PRKAG2: variants seen among roughly 807,000 people sequenced by gnomAD.
PRKAG2 encodes the protein 5'-AMP-activated protein kinase subunit gamma-2.
In PRKAG2, 26 loss-of-function variants were observed where a neutral mutation model predicts 69.6. The observed-to-expected ratio is 0.37, with a 90% CI of 0.27 to 0.52. PRKAG2 has a LOEUF of 0.52. Among genes scored for constraint, PRKAG2 ranks in the 20% least tolerant of loss-of-function variants. The pLI, the probability that PRKAG2 is intolerant of heterozygous loss-of-function variation, is 0.90. For missense variants in PRKAG2, 557 were observed against 740.0 expected, an observed-to-expected ratio of 0.75 and a Z score of 2.87; for synonymous variants, 293 against 285.0, an observed-to-expected ratio of 1.03 and a Z score of -0.28.
At chr7:151,635,328 A>G (rs7807681) in intron 4 of PRKAG2, among the ~76,000 whole-genome samples, 21,924 of 152,250 alleles carry the variant, frequency 0.14, 1,939 homozygotes, top group African/African-American at 0.23. Flanking sequence ...CACATCAGTT[A>G]CACTCTTGGG....
rs754524055 is a variant in PRKAG2 at position 151,615,226 on chromosome 7, T to C, written c.754+16843A>G. Among the ~76,000 whole-genome samples, 44 of 152,352 alleles carry C rather than the reference T, an allele frequency of 2.9e-4. 1 individual carries two copies. The highest frequency in any genetic ancestry group is 3.4e-3 in the Middle Eastern group (1 of 294). ...ATGATCTCATTCTTTTTTATGCCTA[T>C]ATAGTATTCCATGGTGTATATGTAC... On this transcript the variant is annotated intron_variant, in intron 5 of 15. Transcript: ENST00000287878.
At chr7:151,739,109 A>T (rs2073685775) in intron 3 of PRKAG2, among the ~76,000 whole-genome samples, 1 of 152,194 alleles carries the variant, frequency 6.6e-6, no homozygotes, top group Non-Finnish European at 1.5e-5. Flanking sequence ...GACACACACC[A>T]GCTCCCAAGA....
At chr7:151,585,883 C>T (rs571648818) in intron 6 of PRKAG2, among the ~76,000 whole-genome samples, 17 of 152,252 alleles carry the variant, frequency 1.1e-4, no homozygotes, top group African/African-American at 3.9e-4. Context: ...GACGGGTGGG[C>T]GGGTGAGTCA....
intron 4 of PRKAG2, among the ~76,000 whole-genome samples, chr7:151,669,061 G>A (rs547318203): frequency 2.0e-5 from 3 of 152,308 alleles, no homozygotes; most frequent in Admixed American, 2.0e-4. Context: ...TGCTCCCACT[G>A]CCTATAAGGA....
intron 5 of PRKAG2, among the ~76,000 whole-genome samples, chr7:151,601,585 G>C (rs1384228493): frequency 6.6e-6 from 1 of 152,144 alleles, no homozygotes; most frequent in Non-Finnish European, 1.5e-5. Flanking sequence ...AGGATGCTCT[G>C]AGGCTGTACA....
At chr7:151,749,217 A>G (rs540380710) in intron 3 of PRKAG2, among the ~76,000 whole-genome samples, 7 of 152,360 alleles carry the variant, frequency 4.6e-5, no homozygotes, top group Admixed American at 2.6e-4. Context: ...TCTCCTCACT[A>G]GAAGCTTTAA....
At chr7:151,855,282 A>C (rs868849989) in intron 1 of PRKAG2, among the ~76,000 whole-genome samples, 11 of 39,792 alleles carry the variant, frequency 2.8e-4, no homozygotes, top group Non-Finnish European at 3.4e-4. Flanking sequence ...CTCCACACAC[A>C]CCACCCTCCA....
rs183673156 is a variant in PRKAG2 at position 151,827,794 on chromosome 7, C to T, written c.115-41253G>A. Among the ~76,000 whole-genome samples the T allele has an allele frequency of 3.4e-3, 478 of 138,888 alleles. 2 individuals carry two copies. Among genetic ancestry groups the T allele is most frequent in the Non-Finnish European group, 3.5e-3 (228 of 65,546 alleles). The allele number at this position is 138,888 out of a possible 152,430, so 91.1% of individuals were successfully genotyped here. A position where few individuals can be genotyped will look rare whatever the true frequency, so the allele number is the denominator to read the frequency against. ...AAAAAACTGCCTTGCTGTAGCCTGT[C>T]GTGGTATGACTTCCAATGCCAGAGC... On this transcript the variant is annotated intron_variant, in intron 1 of 15. Transcript: ENST00000287878.
At chr7:151,845,379 C>G (rs1458092745) in intron 1 of PRKAG2, among the ~76,000 whole-genome samples, 3 of 152,130 alleles carry the variant, frequency 2.0e-5, no homozygotes, top group Non-Finnish European at 4.4e-5. Context: ...GGTTCCCGGA[C>G]CAGCAGCGTC....
intron 1 of PRKAG2, among the ~76,000 whole-genome samples, chr7:151,869,365 C>G (rs879752697): frequency 6.6e-6 from 1 of 152,140 alleles, no homozygotes; most frequent in African/African-American, 2.4e-5. Context: ...GGACCAAGCG[C>G]GAATAGGGCA....
intron 3 of PRKAG2, among the ~76,000 whole-genome samples, chr7:151,775,769 G>A (rs1177812553): frequency 1.3e-5 from 2 of 152,130 alleles, no homozygotes; most frequent in African/African-American, 2.4e-5. Context: ...TGTAATGAAC[G>A]AAGTCTTCAT....
intron 4 of PRKAG2, among the ~76,000 whole-genome samples, chr7:151,666,846 T>C (rs1281125608): frequency 6.6e-6 from 1 of 152,208 alleles, no homozygotes; most frequent in African/African-American, 2.4e-5. Context: ...AGCCCTTATT[T>C]TCTCCTGTCA....
At chr7:151,862,290 TG>T (rs772196119) in intron 1 of PRKAG2, among the ~76,000 whole-genome samples, 1 of 152,102 alleles carries the variant, frequency 6.6e-6, no homozygotes, top group Non-Finnish European at 1.5e-5. Flanking sequence ...GCCTAAAATC[TG>T]CCCCTTTTTT....
In PRKAG2 at chr7:151,814,569, A is replaced by T. The variant is rs1212435891; in HGVS notation, c.115-28028T>A. On this transcript the variant is annotated intron_variant, in intron 1 of 15. Transcript: ENST00000287878. The surrounding 1 kb of genome is among the most constrained non-coding windows in gnomAD (Gnocchi z 4.8). ...GCCTCACTCGAAAGGTCCATCAGAG[A>T]AGGGGTTTCCCAGCCCCTTCAGCAC... 6 of 1,231,582 alleles carry T rather than the reference A, an allele frequency of 4.9e-6. No individual in the cohort carries two copies. The highest frequency in any genetic ancestry group is 6.1e-6 in the Non-Finnish European group (6 of 987,966). 76.3% of individuals were successfully genotyped at this position (1,231,582 alleles called of 1,614,324 possible). A position where few individuals can be genotyped will look rare whatever the true frequency, so the allele number is the denominator to read the frequency against.
chr7:151,778,950 T>A (rs1373102914), intron 3 of PRKAG2, among the ~76,000 whole-genome samples: 1 of 150,018 alleles, frequency 6.7e-6, no homozygotes, highest in East Asian at 1.9e-4. Flanking sequence ...CACACATACA[T>A]CTATACAAAT....
At chr7:151,731,340 G>C (rs751697775) in intron 3 of PRKAG2, among the ~76,000 whole-genome samples, 3 of 152,254 alleles carry the variant, frequency 2.0e-5, no homozygotes, top group Non-Finnish European at 1.5e-5. Context: ...CAGCCAGAGA[G>C]GGGTAAGGGC....
At chr7:151,786,225 G>A (rs1338694469) in intron 2 of PRKAG2, among the ~76,000 whole-genome samples, 1 of 152,222 alleles carries the variant, frequency 6.6e-6, no homozygotes, top group Non-Finnish European at 1.5e-5. Context: ...CACAGTCAGT[G>A]CCACGTGAGG....
intron 3 of PRKAG2, among the ~76,000 whole-genome samples, chr7:151,773,980 T>C (rs1197591926): frequency 2.6e-5 from 4 of 152,200 alleles, no homozygotes; most frequent in Non-Finnish European, 5.9e-5. Flanking sequence ...TGTGTCTCCA[T>C]GACAGCTTTG....
At chr7:151,657,233 G>A (rs995396243) in intron 4 of PRKAG2, among the ~76,000 whole-genome samples, 1 of 152,152 alleles carries the variant, frequency 6.6e-6, no homozygotes, top group South Asian at 2.1e-4. Context: ...TGACCATAGT[G>A]TATATAAAAT....
Sources: allele counts gnomAD v4.1 joint callset (sites outside exome capture counted in the v4.1 genomes callset), GRCh38; gene constraint gnomAD v4.1.1; non-coding constraint Gnocchi (gnomAD v3.1); transcripts MANE v1.5; gene names NCBI Gene and HGNC (gene_info 2026-07-23, HGNC 2026-07-21).